RANBP2: variants seen among roughly 807,000 people sequenced by gnomAD.
RANBP2 encodes the protein RAN binding protein 2, also known as E3 SUMO-protein ligase RanBP2.
RANBP2 carries 57 observed loss-of-function variants against 303.6 expected under a neutral mutation model. That is an observed-to-expected ratio of 0.19 (90% CI 0.15 to 0.23). RANBP2 has a LOEUF of 0.23. RANBP2 is among the 10% of genes least tolerant of loss of function. RANBP2 has a pLI of 1.00. For synonymous variants in RANBP2, 1,167 were observed against 1,301.5 expected (o/e 0.90, Z 2.23); for missense variants, 3,138 against 3,780.8 (o/e 0.83, Z 4.46).
the RANBP2 span, chr2:109,129,593 C>T: frequency 4.7e-6 from 7 of 1,483,530 alleles, no homozygotes; most frequent in African/African-American, 5.9e-5. Flanking sequence ...GCCGCTGCTG[C>T]GCAGAGCGAG....
chr2:109,647,783 TTAAACAACA>T, the RANBP2 span, among the ~76,000 whole-genome samples: 1 of 152,164 alleles, frequency 6.6e-6, no homozygotes, highest in East Asian at 1.9e-4. Flanking sequence ...CTCTCCTCAC[TTAAACAACA>T]TTAGAGCCAG....
chr2:109,548,773 C>T, the RANBP2 span, among the ~76,000 whole-genome samples: 1 of 31,834 alleles, frequency 3.1e-5, no homozygotes, highest in African/African-American at 9.2e-5. Context: ...TAGGCTCCAT[C>T]TCAAAAAAAA....
At chr2:109,657,651 G>A in the RANBP2 span, among the ~76,000 whole-genome samples, 31 of 151,564 alleles carry the variant, frequency 2.0e-4, no homozygotes, top group Non-Finnish European at 1.5e-4. Flanking sequence ...TAAGCGGGAG[G>A]AGGCAATACA....
the RANBP2 span, among the ~76,000 whole-genome samples, chr2:109,276,360 C>T: frequency 1.6e-4 from 24 of 152,102 alleles, no homozygotes; most frequent in African/African-American, 5.3e-4. Flanking sequence ...ATATGTGTCC[C>T]GTAGTAGATG....
chr2:109,123,325 TC>T, the RANBP2 span, among the ~76,000 whole-genome samples: 1 of 23,420 alleles, frequency 4.3e-5, no homozygotes, highest in Non-Finnish European at 2.6e-4. Flanking sequence ...TTTCTTTCCT[TC>T]CTTCCTTCCT....
At chr2:109,168,770 A>T in the RANBP2 span, among the ~76,000 whole-genome samples, 2 of 152,152 alleles carry the variant, frequency 1.3e-5, no homozygotes, top group Admixed American at 6.5e-5. Flanking sequence ...TGCCTTCTTC[A>T]CAGTAGGAAT....
At chr2:109,119,308 G>A in the RANBP2 span, among the ~76,000 whole-genome samples, 4 of 152,318 alleles carry the variant, frequency 2.6e-5, no homozygotes, top group Non-Finnish European at 4.4e-5. Flanking sequence ...CATCCTGTCC[G>A]TGAAACAGTC....
chr2:108,958,874 G>T, the RANBP2 span, among the ~76,000 whole-genome samples: 1 of 151,238 alleles, frequency 6.6e-6, no homozygotes, highest in Admixed American at 6.6e-5. Flanking sequence ...GCTGGGAAAA[G>T]GCACCAAGTT....
the RANBP2 span, among the ~76,000 whole-genome samples, chr2:109,635,887 T>C: frequency 2.6e-5 from 4 of 152,236 alleles, no homozygotes; most frequent in Non-Finnish European, 5.9e-5. Context: ...GGTTATTAAG[T>C]GCTATGGCAT....
At chr2:109,323,184 G>T in the RANBP2 span, among the ~76,000 whole-genome samples, 1 of 152,182 alleles carries the variant, frequency 6.6e-6, no homozygotes, top group East Asian at 1.9e-4. Flanking sequence ...GGGGAGGTGT[G>T]TATTTCTAGA....
chr2:109,123,325 T>TCCTC, the RANBP2 span, among the ~76,000 whole-genome samples: 1 of 23,420 alleles, frequency 4.3e-5, no homozygotes, highest in African/African-American at 8.2e-5. Context: ...TTTCTTTCCT[T>TCCTC]CCTTCCTTCC....
chr2:108,818,725 T>G, the RANBP2 span, among the ~76,000 whole-genome samples: 1 of 152,130 alleles, frequency 6.6e-6, no homozygotes, highest in South Asian at 2.1e-4. Context: ...TGTTAACCAC[T>G]TGGGCAAGCA....
chr2:109,031,726 G>A, the RANBP2 span, among the ~76,000 whole-genome samples: 2 of 152,212 alleles, frequency 1.3e-5, no homozygotes, highest in East Asian at 3.8e-4. Context: ...TGGACGCGCT[G>A]CGGGCGCCGG....
rs770586739 is a variant in RANBP2 at position 108,771,740 on chromosome 2, A to G, written c.7889A>G (p.Asp2630Gly). The change falls in exon 21 of 29, where the codon GAT (aspartate) becomes GGT (glycine). Residue 2630 changes from aspartate to glycine, a missense_variant. Asp to Gly is a moderately conservative substitution (Grantham distance 94, BLOSUM62 -1). This residue lies in a region of RANBP2 where 497 missense variants were observed against 465.8 expected (regional missense o/e 1.07). Coordinates refer to ENST00000283195, the MANE Select transcript of RANBP2 (RefSeq NM_006267.5). ...AAACCTGAAGATTCTCCCTCAGATG[A>G]TGATGTTCTCATTGTATATGAACTA... is the stretch of plus-strand genomic sequence containing the variant. ...KKKPEDSPSD[D>G]DVLIVYELTP... 4 of 1,613,834 alleles carry G rather than the reference A, an allele frequency of 2.5e-6. No individual in the cohort carries two copies. The South Asian group carries it at 4.4e-5, about 18-fold the overall frequency.
the RANBP2 span, among the ~76,000 whole-genome samples, chr2:109,550,183 G>A: frequency 8.6e-5 from 13 of 151,812 alleles, no homozygotes; most frequent in Non-Finnish European, 1.8e-4. Context: ...CCAGCTACTC[G>A]GGAGGCTGAG....
the RANBP2 span, among the ~76,000 whole-genome samples, chr2:109,552,248 A>G: frequency 6.6e-6 from 1 of 152,318 alleles, no homozygotes; most frequent in Admixed American, 6.5e-5. Flanking sequence ...TGGTGCCAAA[A>G]AGGTTGGGGA....
the RANBP2 span, among the ~76,000 whole-genome samples, chr2:109,118,277 C>T: frequency 6.6e-6 from 1 of 152,014 alleles, no homozygotes; most frequent in East Asian, 2.0e-4. Context: ...CTCTGACATC[C>T]TGTGACAAAG....
intron 27 of RANBP2, 56 bp from the exon 28 acceptor site, chr2:108,782,472 C>T (rs1678322224): frequency 1.9e-6 from 3 of 1,613,288 alleles, no homozygotes; most frequent in South Asian, 1.1e-5. Flanking sequence ...AACAAAACAA[C>T]TTATAACAGT....
chr2:108,740,818 G>A, intron 7 of RANBP2, 137 bp downstream of exon 7: 1 of 1,394,634 alleles, frequency 7.2e-7, no homozygotes, highest in Non-Finnish European at 9.8e-7. Flanking sequence ...ATTTGATACA[G>A]TGGAAAATAA....
Sources: allele counts gnomAD v4.1 joint callset (sites outside exome capture counted in the v4.1 genomes callset), GRCh38; gene constraint gnomAD v4.1.1; regional missense constraint gnomAD v4.1.1; transcripts MANE v1.5; gene names NCBI Gene and HGNC (gene_info 2026-07-23, HGNC 2026-07-21).